Variants in SORCS1 observed in about 807,000 individuals in gnomAD.
SORCS1 encodes VPS10 domain-containing receptor SorCS1.
A neutral mutation model predicts 146.1 loss-of-function variants in SORCS1; 60 were observed. The ratio of observed to expected loss-of-function variants is 0.41; its 90% confidence interval spans 0.33 to 0.51. The LOEUF is 0.51. SORCS1 is among the 20% of genes least tolerant of loss of function. The probability of loss-of-function intolerance (pLI) is 0.21; values close to 1 mark genes in which losing one functional copy is unlikely to be tolerated. For missense variants in SORCS1, 1,352 were observed against 1,487.6 expected, an observed-to-expected ratio of 0.91 and a Z score of 1.50; for synonymous variants, 637 against 584.0, an observed-to-expected ratio of 1.09 and a Z score of -1.31.
intron 10 of SORCS1, among the ~76,000 whole-genome samples, 155 bp from the exon 11 acceptor site, chr10:106,679,889 T>C (rs1323757535): frequency 6.6e-6 from 1 of 152,154 alleles, no homozygotes; most frequent in East Asian, 1.9e-4. Flanking sequence ...CTACCCAACA[T>C]CTTCCATCCC....
At chr10:107,136,909 T>G (rs1967348605) in intron 1 of SORCS1, among the ~76,000 whole-genome samples, 1 of 152,200 alleles carries the variant, frequency 6.6e-6, no homozygotes, top group Admixed American at 6.5e-5. Context: ...CAGCTCCACC[T>G]AACTCTATCT....
In SORCS1 at chr10:107,164,513, C is replaced by G; in HGVS notation, c.14G>C (p.Gly5Ala). The G allele has an allele frequency of 7.4e-7, 1 of 1,344,286 alleles. No individual in the cohort carries two copies. Among genetic ancestry groups the G allele is most frequent in the Non-Finnish European group, 9.5e-7 (1 of 1,055,134 alleles). The allele number at this position is 1,344,286 out of a possible 1,614,324, so 83.3% of individuals were successfully genotyped here. A position where few individuals can be genotyped will look rare whatever the true frequency, so the allele number is the denominator to read the frequency against. ...CCGGGCTTGGGAGCCGCCGCCGGCGCCAACTTTTCCCATCGCGGGAGCGAA... is the reference window on the plus strand; with the variant it reads ...CCGGGCTTGGGAGCCGCCGCCGGCGGCAACTTTTCCCATCGCGGGAGCGAA... MGKV[G>A]AGGGSQARLS... The change falls in exon 1 of 26, where the codon GGC (glycine) becomes GCC (alanine). Residue 5 changes from glycine (G) to alanine (A), a missense_variant. By Grantham distance (60) the Gly-to-Ala change is moderately conservative. Around this residue, in one of 3 missense-constraint regions of SORCS1, gnomAD observed 490 missense variants for 489.1 expected, o/e 1.00. Transcript: ENST00000263054. This position sits in a 1 kb window ranked among gnomAD's most constrained non-coding sequence, Gnocchi z 6.8.
At chr10:107,044,848 A>G (rs940677956) in intron 1 of SORCS1, among the ~76,000 whole-genome samples, 12 of 151,730 alleles carry the variant, frequency 7.9e-5, no homozygotes, top group African/African-American at 2.9e-4. Flanking sequence ...TGACAACTAA[A>G]CAAATGCAAT....
At chr10:107,142,693 C>T (rs971978801) in intron 1 of SORCS1, among the ~76,000 whole-genome samples, 5 of 152,100 alleles carry the variant, frequency 3.3e-5, no homozygotes, top group African/African-American at 4.8e-5. Flanking sequence ...CCAGTTTCAC[C>T]TGCGGTTCTT....
At chr10:106,935,592 A>C (rs1475347666) in intron 2 of SORCS1, among the ~76,000 whole-genome samples, 1 of 152,230 alleles carries the variant, frequency 6.6e-6, no homozygotes, top group African/African-American at 2.4e-5. Context: ...TAAACAAGGC[A>C]AATATTTGGG....
At chr10:106,922,353 A>G (rs1174881764) in intron 2 of SORCS1, among the ~76,000 whole-genome samples, 1 of 152,230 alleles carries the variant, frequency 6.6e-6, no homozygotes. Context: ...TGAAGACTAC[A>G]GCAGACTCTG....
chr10:106,813,845 T>C (rs1024504088), intron 3 of SORCS1, among the ~76,000 whole-genome samples: 15 of 152,122 alleles, frequency 9.9e-5, no homozygotes, highest in African/African-American at 2.4e-4. Context: ...CCTACTTACA[T>C]TGGAGGCTGG....
chr10:106,989,234 C>CT (rs1377746960), intron 1 of SORCS1, among the ~76,000 whole-genome samples: 2 of 129,786 alleles, frequency 1.5e-5, no homozygotes, highest in Non-Finnish European at 3.1e-5. Context: ...TGCATCACCA[C>CT]ACTCCAGCCT....
At chr10:106,829,488 T>C in intron 3 of SORCS1, 86 bp downstream of exon 3, 1 of 866,260 alleles carries the variant, frequency 1.2e-6, no homozygotes, top group Admixed American at 1.8e-5. Context: ...TTAACTGTAA[T>C]GGATTTTTAG....
At chr10:106,718,313 C>A (rs1490829070) in intron 6 of SORCS1, among the ~76,000 whole-genome samples, 1 of 152,224 alleles carries the variant, frequency 6.6e-6, no homozygotes, top group Non-Finnish European at 1.5e-5. Context: ...CATCACATAA[C>A]TTTCTGTGTC....
intron 1 of SORCS1, among the ~76,000 whole-genome samples, chr10:107,007,857 G>T (rs777651648): frequency 6.6e-6 from 1 of 152,096 alleles, no homozygotes; most frequent in East Asian, 1.9e-4. Context: ...AATAACAAAC[G>T]AACATACAAC....
At chr10:106,821,898 G>C (rs1219350447) in intron 3 of SORCS1, among the ~76,000 whole-genome samples, 1 of 151,562 alleles carries the variant, frequency 6.6e-6, no homozygotes, top group East Asian at 1.9e-4. Flanking sequence ...CTCCAGCCTG[G>C]GTGACAGAGC....
intron 2 of SORCS1, among the ~76,000 whole-genome samples, chr10:106,867,796 A>G (rs1225088714): frequency 6.6e-6 from 1 of 152,204 alleles, no homozygotes; most frequent in Non-Finnish European, 1.5e-5. Context: ...AGCAACCACA[A>G]AAACAAACCA....
At chr10:106,988,489 G>A (rs1027416944) in intron 1 of SORCS1, among the ~76,000 whole-genome samples, 1 of 152,074 alleles carries the variant, frequency 6.6e-6, no homozygotes, top group Non-Finnish European at 1.5e-5. Context: ...CCTCCTTCTG[G>A]AAAGAATCCC....
intron 3 of SORCS1, among the ~76,000 whole-genome samples, chr10:106,788,687 C>G (rs12251779): frequency 0.011 from 1,717 of 152,298 alleles, 40 homozygotes; most frequent in African/African-American, 0.039. Flanking sequence ...CAGCTCTCCC[C>G]CTGTGGCTTT....
intron 1 of SORCS1, among the ~76,000 whole-genome samples, chr10:106,977,793 T>A (rs905212738): frequency 1.3e-5 from 2 of 152,206 alleles, no homozygotes; most frequent in African/African-American, 4.8e-5. Flanking sequence ...ACCAGCAACC[T>A]TGACACATAG....
intron 2 of SORCS1, among the ~76,000 whole-genome samples, chr10:106,903,895 C>G (rs1951815013): frequency 6.6e-6 from 1 of 152,166 alleles, no homozygotes; most frequent in South Asian, 2.1e-4. Flanking sequence ...TGTGGTCTCT[C>G]TGAAACAAAT....
intron 1 of SORCS1, among the ~76,000 whole-genome samples, chr10:107,078,296 C>CAA (rs1397002717): frequency 4.6e-5 from 7 of 151,740 alleles, no homozygotes; most frequent in African/African-American, 1.7e-4. Context: ...GTGTTTGGGA[C>CAA]AAAAATATAA....
rs750324306 is a variant in SORCS1, at chr10:106,730,165, T to C, written c.960-51A>G. On this transcript the variant is annotated intron_variant, in intron 5 of 25. Coordinates refer to ENST00000263054, the MANE Select transcript of SORCS1 (RefSeq NM_052918.5). ...AAACATCCATATTAATGACTTCACA[T>C]GTGCCTTAGTGGAACTCGGCAGAGC... 4.4e-6 allele frequency: 7 copies of C among 1,580,060 alleles called. No individual in the cohort carries two copies. In the South Asian group the frequency reaches 7.7e-5, roughly 17 times the overall value.
Sources: allele counts gnomAD v4.1 joint callset (sites outside exome capture counted in the v4.1 genomes callset), GRCh38; gene constraint gnomAD v4.1.1; regional missense constraint gnomAD v4.1.1; non-coding constraint Gnocchi (gnomAD v3.1); transcripts MANE v1.5; gene names NCBI Gene and HGNC (gene_info 2026-07-23, HGNC 2026-07-21).